The following RIN3 variants were observed in gnomAD, a reference collection of about 807,000 sequenced individuals.
The protein encoded by RIN3 is Ras and Rab interactor 3.
A neutral mutation model predicts 76.3 loss-of-function variants in RIN3; 54 were observed. The observed-to-expected ratio is 0.71, with a 90% CI of 0.57 to 0.89. The LOEUF is 0.89. RIN3 is among the 40% of genes least tolerant of loss of function. The probability of loss-of-function intolerance (pLI) is 0.00; values close to 1 mark genes in which losing one functional copy is unlikely to be tolerated. For synonymous variants in RIN3, 576 were observed against 564.0 expected, an observed-to-expected ratio of 1.02 and a Z score of -0.30; for missense variants, 1,256 against 1,322.1, an observed-to-expected ratio of 0.95 and a Z score of 0.78.
intron 1 of RIN3, among the ~76,000 whole-genome samples, chr14:92,516,359 C>G (rs1286185368): frequency 6.6e-6 from 1 of 152,136 alleles, no homozygotes; most frequent in African/African-American, 2.4e-5. Context: ...TGAAGAGGAG[C>G]CCCTTAACCA....
rs140361119 is a variant in RIN3, at chr14:92,634,703, C to T, written c.441-6535C>T. Reference sequence around the variant, plus strand: ...GAAACCCCAGTCTCTACTAAAAATACAAACTTTAGCTGGGGGTGGTTGCAG... The same window carrying T: ...GAAACCCCAGTCTCTACTAAAAATATAAACTTTAGCTGGGGGTGGTTGCAG... On this transcript the variant is annotated intron_variant, in intron 4 of 9. Coordinates refer to ENST00000216487, the MANE Select transcript of RIN3 (RefSeq NM_024832.5). Among the ~76,000 whole-genome samples the T allele has an allele frequency of 2.5e-3, 378 of 152,122 alleles. 5 individuals carry two copies. The highest frequency in any genetic ancestry group is 0.014 in the South Asian group (68 of 4,824).
At chr14:92,560,063 G>T (rs767632854) in intron 2 of RIN3, among the ~76,000 whole-genome samples, 1 of 152,214 alleles carries the variant, frequency 6.6e-6, no homozygotes, top group Non-Finnish European at 1.5e-5. Context: ...CAAAGGCCAC[G>T]GGGCTTAGTT....
chr14:92,571,683 G>C (rs1215000979), intron 2 of RIN3, among the ~76,000 whole-genome samples: 2 of 152,148 alleles, frequency 1.3e-5, no homozygotes, highest in Admixed American at 6.5e-5. Context: ...CTGCACTTCT[G>C]TCCAATTTGG....
In RIN3 at chr14:92,514,271, A is replaced by T. The variant is rs1896374953; in HGVS notation, c.44+295A>T. ...ACGGATTACGAGGGAGTGCGTCGCTACCTGTCAGCGCCGGGGCTGCCCGCG... is the reference window on the plus strand; with the variant it reads ...ACGGATTACGAGGGAGTGCGTCGCTTCCTGTCAGCGCCGGGGCTGCCCGCG... On this transcript the variant is annotated intron_variant, in intron 1 of 9. Coordinates refer to ENST00000216487, the MANE Select transcript of RIN3 (RefSeq NM_024832.5). The surrounding 1 kb of genome is among the most constrained non-coding windows in gnomAD (Gnocchi z 7.2). 6.6e-6 allele frequency among the ~76,000 whole-genome samples: 1 copy of T among 151,464 alleles called. No homozygotes were observed. The highest frequency in any genetic ancestry group is 6.6e-5 in the Admixed American group (1 of 15,254).
At chr14:92,678,674 C>CCATCCACT (rs1360280468) in intron 8 of RIN3, among the ~76,000 whole-genome samples, 14 of 151,962 alleles carry the variant, frequency 9.2e-5, no homozygotes, top group Non-Finnish European at 1.6e-4. Context: ...ACCCGTCCAC[C>CCATCCACT]CATCCACTCA....
intron 1 of RIN3, among the ~76,000 whole-genome samples, chr14:92,520,167 G>A (rs989632877): frequency 6.6e-6 from 1 of 152,256 alleles, no homozygotes; most frequent in African/African-American, 2.4e-5. Context: ...GCAATGAAAT[G>A]TCGGTTCTCT....
chr14:92,663,896 A>C (rs549295844), intron 7 of RIN3, among the ~76,000 whole-genome samples: 1 of 152,342 alleles, frequency 6.6e-6, no homozygotes, highest in East Asian at 1.9e-4. Context: ...CACATGGGAC[A>C]GCCTAAGTGC....
rs932227340 is a variant in RIN3 at position 92,545,294 on chromosome 14, T to C, written c.45-10457T>C. 5.3e-5 allele frequency among the ~76,000 whole-genome samples: 8 copies of C among 152,006 alleles called. No homozygotes were observed. In the East Asian group the frequency reaches 1.4e-3, roughly 26 times the overall value. On this transcript the variant is annotated intron_variant, in intron 1 of 9. Transcript: ENST00000216487. ...CTGGCTAATTTTTTTGTATTTTTAA[T>C]AGAGACGGGGTTTCACCGTGTGAGC...
intron 3 of RIN3, among the ~76,000 whole-genome samples, chr14:92,593,158 AT>A (rs533376166): frequency 8.5e-5 from 13 of 152,330 alleles, no homozygotes; most frequent in Middle Eastern, 3.4e-3. Context: ...ACTAAAAAAA[AT>A]AATTTAAAAA....
intron 7 of RIN3, among the ~76,000 whole-genome samples, chr14:92,665,606 C>T (rs1472151448): frequency 6.6e-6 from 1 of 151,934 alleles, no homozygotes; most frequent in African/African-American, 2.4e-5. Flanking sequence ...TGGTCTTGAT[C>T]TCCTGACCTC....
chr14:92,677,981 A>C, intron 8 of RIN3, among the ~76,000 whole-genome samples: 1 of 132,060 alleles, frequency 7.6e-6, no homozygotes. Context: ...CCACCCACCC[A>C]TCCACATATT....
intron 1 of RIN3, among the ~76,000 whole-genome samples, chr14:92,525,616 T>C (rs940533679): frequency 6.6e-6 from 1 of 152,066 alleles, no homozygotes; most frequent in African/African-American, 2.4e-5. Context: ...GCTGTGAACA[T>C]CTGAGAAACA....
intron 1 of RIN3, among the ~76,000 whole-genome samples, chr14:92,538,467 A>G (rs1258738047): frequency 6.6e-6 from 1 of 152,178 alleles, no homozygotes; most frequent in African/African-American, 2.4e-5. Context: ...ACTGTGGTAG[A>G]TGGGCCAGAC....
At chr14:92,639,935 A>T (rs1391333385) in intron 4 of RIN3, among the ~76,000 whole-genome samples, 4 of 144,866 alleles carry the variant, frequency 2.8e-5, no homozygotes, top group Non-Finnish European at 6.0e-5. Context: ...GGGCTGCCTG[A>T]CTGTGCGTTT....
At chr14:92,659,847 G>C (rs1461390296) in intron 7 of RIN3, among the ~76,000 whole-genome samples, 2 of 152,244 alleles carry the variant, frequency 1.3e-5, no homozygotes, top group Non-Finnish European at 2.9e-5. Flanking sequence ...TCAAGATGAA[G>C]GTGTGGGCAT....
At chr14:92,576,333 G>T (rs1898228955) in intron 2 of RIN3, 1 of 1,289,874 alleles carries the variant, frequency 7.8e-7, no homozygotes, top group African/African-American at 1.5e-5. Context: ...TAGAGCGTGA[G>T]AAGGAGAAGC....
Position 92,636,980 on chromosome 14 carries a change from GC to G in RIN3, c.441-4257del, listed in dbSNP as rs1886800350. Among the ~76,000 whole-genome samples, 3 of 152,244 alleles carry G rather than the reference GC, an allele frequency of 2.0e-5. No homozygotes were observed. In the South Asian group the frequency reaches 6.2e-4, roughly 32 times the overall value. On this transcript the variant is annotated intron_variant, in intron 4 of 9. Coordinates refer to ENST00000216487, the MANE Select transcript of RIN3 (RefSeq NM_024832.5). ...GTATGTGTACATTAAAGAAGGGCCAGCAAGTTTACTCTCCAGAGTGTAGACC... is the reference window on the plus strand; with the variant it reads ...GTATGTGTACATTAAAGAAGGGCCAGAAGTTTACTCTCCAGAGTGTAGACC...
intron 1 of RIN3, among the ~76,000 whole-genome samples, chr14:92,538,161 G>C (rs1289346109): frequency 2.6e-5 from 4 of 151,986 alleles, no homozygotes; most frequent in Non-Finnish European, 4.4e-5. Flanking sequence ...GTAGAGACAG[G>C]GTTTTGCCAG....
chr14:92,571,217 T>A (rs1459779496), intron 2 of RIN3, among the ~76,000 whole-genome samples: 1 of 152,188 alleles, frequency 6.6e-6, no homozygotes, highest in Non-Finnish European at 1.5e-5. Context: ...TATATTGGAG[T>A]CTCTCTGAAC....
Sources: gnomAD v4.1 joint callset for allele counts (sites outside exome capture counted in the v4.1 genomes callset) on GRCh38, gnomAD v4.1.1 for gene constraint, Gnocchi (gnomAD v3.1) non-coding constraint, MANE v1.5 for transcripts, NCBI Gene and HGNC (gene_info 2026-07-23, HGNC 2026-07-21) for gene names.